The following MAP3K20 variants were observed in gnomAD, a reference collection of about 807,000 sequenced individuals.
MAP3K20 encodes the protein HCCS-4.
In MAP3K20, 40 loss-of-function variants were observed where a neutral mutation model predicts 85.7. That is an observed-to-expected ratio of 0.47 (90% CI 0.36 to 0.61). MAP3K20 has a LOEUF of 0.61. MAP3K20 is among the 20% of genes least tolerant of loss of function. MAP3K20 has a pLI of 0.00. For synonymous variants in MAP3K20, 325 were observed against 327.7 expected (o/e 0.99, Z 0.09); for missense variants, 817 against 961.7 (o/e 0.85, Z 1.99).
chr2:173,166,259 C>A (rs553370321), intron 2 of MAP3K20, among the ~76,000 whole-genome samples: 1 of 152,310 alleles, frequency 6.6e-6, no homozygotes, highest in South Asian at 2.1e-4. Context: ...CAGTGCATAT[C>A]CAAACTTAAT....
At chr2:173,170,026 A>G in intron 3 of MAP3K20, 134 bp downstream of exon 3, 2 of 780,632 alleles carry the variant, frequency 2.6e-6, no homozygotes, top group South Asian at 3.2e-5. Flanking sequence ...GTTGCTATAA[A>G]GCATTAATAA....
At chr2:173,238,220 A>G (rs1230854617) in intron 14 of MAP3K20, among the ~76,000 whole-genome samples, 153 bp from the exon 15 acceptor site, 2 of 152,242 alleles carry the variant, frequency 1.3e-5, no homozygotes, top group Non-Finnish European at 2.9e-5. Flanking sequence ...GCTTTGGACA[A>G]TGAGATTTAT....
intron 2 of MAP3K20, among the ~76,000 whole-genome samples, chr2:173,159,595 G>A (rs1435438805): frequency 6.6e-6 from 1 of 152,030 alleles, no homozygotes; most frequent in Non-Finnish European, 1.5e-5. Flanking sequence ...TCACTATGTT[G>A]CCCAGACTGG....
Position 173,191,003 on chromosome 2 carries a change from A to T in MAP3K20, c.445-37A>T, listed in dbSNP as rs2289399. Reference sequence around the variant, plus strand: ...TAACTGATAATCCCTTAATTAGCCAATAAGTAGAAAGTTGACACTGATTCC... The same window carrying T: ...TAACTGATAATCCCTTAATTAGCCATTAAGTAGAAAGTTGACACTGATTCC... On this transcript the variant is annotated intron_variant, in intron 6 of 19. Coordinates refer to ENST00000375213, the MANE Select transcript of MAP3K20 (RefSeq NM_016653.3). The T allele has an allele frequency of 1.9e-6, 3 of 1,609,766 alleles. No individual in the cohort carries two copies. In the Admixed American group the frequency reaches 5.1e-5, roughly 27 times the overall value.
At chr2:173,257,834 A>C (rs1163064794) in intron 16 of MAP3K20, among the ~76,000 whole-genome samples, 2 of 152,216 alleles carry the variant, frequency 1.3e-5, no homozygotes, top group Non-Finnish European at 2.9e-5. Flanking sequence ...TGATGTTATC[A>C]GTCTTAGCCA....
chr2:173,224,948 A>G, intron 11 of MAP3K20: 1 of 979,532 alleles, frequency 1.0e-6, no homozygotes, highest in Non-Finnish European at 1.2e-6. Context: ...TTTAGTTCCA[A>G]CTACTTGATT....
intron 2 of MAP3K20, among the ~76,000 whole-genome samples, chr2:173,114,364 C>G (rs906927830): frequency 6.6e-6 from 1 of 152,086 alleles, no homozygotes; most frequent in African/African-American, 2.4e-5. Context: ...TTAAGTGGAG[C>G]ATTTAGGCCA....
At chr2:173,238,891 T>G (rs1164596846) in intron 15 of MAP3K20, among the ~76,000 whole-genome samples, 1 of 152,232 alleles carries the variant, frequency 6.6e-6, no homozygotes, top group East Asian at 1.9e-4. Flanking sequence ...TTGTTTAAAA[T>G]CAGCAAATAC....
chr2:173,222,220 A>G (rs1483016849), intron 11 of MAP3K20: 1 of 985,430 alleles, frequency 1.0e-6, no homozygotes, highest in African/African-American at 1.7e-5. Flanking sequence ...AACAAAAAAA[A>G]GAAAGAATTG....
chr2:173,207,215 T>G (rs1683718478), intron 9 of MAP3K20, among the ~76,000 whole-genome samples: 1 of 152,138 alleles, frequency 6.6e-6, no homozygotes, highest in Non-Finnish European at 1.5e-5. Context: ...TAAGTTGGTC[T>G]CGTGCAGTGG....
intron 1 of MAP3K20, among the ~76,000 whole-genome samples, chr2:173,078,244 T>C (rs942707745): frequency 3.3e-5 from 5 of 152,232 alleles, no homozygotes; most frequent in Non-Finnish European, 5.9e-5. Flanking sequence ...TGTGGGGATA[T>C]AATACTTCTT....
At chr2:173,221,977 T>C in intron 11 of MAP3K20, 2 of 986,394 alleles carry the variant, frequency 2.0e-6, no homozygotes, top group Non-Finnish European at 2.4e-6. Flanking sequence ...TTTTTTCTTA[T>C]AGCAATACAC....
At chr2:173,135,186 C>T (rs1299979104) in intron 2 of MAP3K20, among the ~76,000 whole-genome samples, 3 of 152,044 alleles carry the variant, frequency 2.0e-5, no homozygotes, top group African/African-American at 4.8e-5. Context: ...ACAAATTAGG[C>T]GATTTGTAAA....
Position 173,267,474 on chromosome 2 carries a change from G to A in MAP3K20, c.*724G>A, listed in dbSNP as rs1199583699. The stretch of plus-strand genomic sequence containing the variant: ...TCTGTATGATGGTCAGAGTTGAACT[G>A]ATCTGGCTTGTCATTTTTCAGTAAT... On this transcript the variant is annotated 3_prime_UTR_variant, in exon 20 of 20. Transcript: ENST00000375213. 2 of 152,004 alleles carry A rather than the reference G, an allele frequency of 1.3e-5. No homozygotes were observed. The highest frequency in any genetic ancestry group is 2.9e-5 in the Non-Finnish European group (2 of 68,008). The allele number at this position is 152,004 out of a possible 1,614,324, so 9.4% of individuals were successfully genotyped here.
chr2:173,254,512 TTGCAGATA>T (rs1351529865), intron 16 of MAP3K20, among the ~76,000 whole-genome samples: 8 of 151,916 alleles, frequency 5.3e-5, no homozygotes, highest in Non-Finnish European at 1.0e-4. Flanking sequence ...ACTGAAAAGG[TTGCAGATA>T]TGTAAGTAAA....
intron 16 of MAP3K20, among the ~76,000 whole-genome samples, chr2:173,243,678 C>A (rs1338499982): frequency 2.6e-5 from 4 of 152,268 alleles, no homozygotes; most frequent in African/African-American, 9.6e-5. Context: ...AGTGCAGTGG[C>A]GCTATCTCGG....
chr2:173,242,514 A>G (rs1034681102), intron 16 of MAP3K20, among the ~76,000 whole-genome samples: 3 of 151,970 alleles, frequency 2.0e-5, no homozygotes. Context: ...TAATAATGGA[A>G]AACTGAAAAA....
intron 5 of MAP3K20, among the ~76,000 whole-genome samples, chr2:173,188,700 T>C (rs532216748): frequency 2.7e-4 from 41 of 152,292 alleles, no homozygotes; most frequent in Non-Finnish European, 5.1e-4. Context: ...ACCACCAATT[T>C]AACCCTGTCT....
rs141284081 is a variant in MAP3K20, at chr2:173,101,218, T to G, written c.159+10028T>G. On this transcript the variant is annotated intron_variant, in intron 2 of 19. Transcript: ENST00000375213. Reference sequence around the variant, plus strand: ...TTACATTAAGACAAACACCACTGATTTTTTTTAGATGATTAGTGTGACCAT... The same window carrying G: ...TTACATTAAGACAAACACCACTGATGTTTTTTAGATGATTAGTGTGACCAT... 3.5e-3 allele frequency among the ~76,000 whole-genome samples: 535 copies of G among 152,254 alleles called. 5 individuals are homozygous for G. The highest frequency in any genetic ancestry group is 0.012 in the African/African-American group (490 of 41,512).
Sources: allele counts gnomAD v4.1 joint callset (sites outside exome capture counted in the v4.1 genomes callset), GRCh38; gene constraint gnomAD v4.1.1; transcripts MANE v1.5; gene names NCBI Gene and HGNC (gene_info 2026-07-23, HGNC 2026-07-21).